ANKRD30A: variants seen among roughly 807,000 people sequenced by gnomAD.
ANKRD30A encodes the protein ankyrin repeat domain 30A.
Under a neutral mutation model 166.3 loss-of-function variants are expected in ANKRD30A, and 170 were observed. That is an observed-to-expected ratio of 1.02 (90% CI 0.90 to 1.16). The LOEUF (loss-of-function observed/expected upper bound fraction) is 1.16. Among genes scored for constraint, ANKRD30A ranks in the 50% most tolerant of loss-of-function variants. ANKRD30A has a pLI of 0.00. For synonymous variants in ANKRD30A, 564 were observed against 508.9 expected, an observed-to-expected ratio of 1.11 and a Z score of -1.46; for missense variants, 1,630 against 1,518.0, an observed-to-expected ratio of 1.07 and a Z score of -1.23.
At chr10:37,260,437 T>C in the ANKRD30A span, among the ~76,000 whole-genome samples, 5 of 152,166 alleles carry the variant, frequency 3.3e-5, no homozygotes, top group Admixed American at 3.3e-4. Flanking sequence ...GTTCTCCTAG[T>C]GTAACTCTTA....
the ANKRD30A span, among the ~76,000 whole-genome samples, chr10:37,261,500 A>G: frequency 9.2e-5 from 14 of 152,320 alleles, no homozygotes; most frequent in African/African-American, 3.4e-4. Context: ...TCATAAATGA[A>G]CACTTGAAAA....
intron 15 of ANKRD30A, among the ~76,000 whole-genome samples, chr10:37,160,426 G>A (rs1428057607): frequency 1.3e-5 from 2 of 152,016 alleles, no homozygotes; most frequent in Non-Finnish European, 2.9e-5. Context: ...GGAGAAATAG[G>A]AAAAACATTA....
the ANKRD30A span, among the ~76,000 whole-genome samples, chr10:37,256,718 C>A: frequency 6.6e-6 from 1 of 152,122 alleles, no homozygotes; most frequent in African/African-American, 2.4e-5. Flanking sequence ...GGAAGTGTTT[C>A]TTTATTGAAG....
chr10:37,154,103 A>G (rs762913629), intron 13 of ANKRD30A, among the ~76,000 whole-genome samples: 49 of 152,182 alleles, frequency 3.2e-4, no homozygotes, highest in Non-Finnish European at 6.6e-4. Context: ...AAAATTTACC[A>G]GAGAATTACA....
downstream of ANKRD30A, chr10:37,232,697 T>TATATATAGAGAGAGAGAGAGAGAG (rs1273812991): frequency 3.8e-5 from 3 of 78,400 alleles, no homozygotes; most frequent in African/African-American, 1.5e-4. Context: ...TATATATAAA[T>TATATATAGAGAGAGAGAGAGAGAG]AGAGAGAGAG....
chr10:37,195,603 A>T (rs573165068), intron 27 of ANKRD30A, among the ~76,000 whole-genome samples: 39 of 152,280 alleles, frequency 2.6e-4, no homozygotes, highest in African/African-American at 8.4e-4. Flanking sequence ...ATATTTATTT[A>T]AAAAATGGTG....
chr10:37,138,303 C>T (rs1301812677), intron 6 of ANKRD30A, among the ~76,000 whole-genome samples: 3 of 152,128 alleles, frequency 2.0e-5, no homozygotes, highest in Non-Finnish European at 4.4e-5. Context: ...AAACTGGAAA[C>T]TCTAAAAATC....
Position 37,126,111 on chromosome 10 carries a change from A to G in ANKRD30A, c.221+103A>G, listed in dbSNP as rs1302176900. On this transcript the variant is annotated intron_variant, in intron 1 of 35. Coordinates refer to ENST00000361713, the MANE Select transcript of ANKRD30A (RefSeq NM_052997.3). Reference sequence around the variant, plus strand: ...TGGGGGGCCTGGGGAAGAAGGGAGCAGGTGGAGGAGTAACGGGCAGCGGGG... The same window carrying G: ...TGGGGGGCCTGGGGAAGAAGGGAGCGGGTGGAGGAGTAACGGGCAGCGGGG... The G allele has an allele frequency of 7.9e-6, 10 of 1,262,690 alleles. No homozygotes were observed. In the East Asian group the frequency reaches 2.4e-4, roughly 30 times the overall value. 78.2% of individuals were successfully genotyped at this position (1,262,690 alleles called of 1,614,324 possible).
chr10:37,225,835 A>C (rs1302701999), intron 34 of ANKRD30A, among the ~76,000 whole-genome samples: 2 of 151,852 alleles, frequency 1.3e-5, no homozygotes, highest in East Asian at 3.9e-4. Flanking sequence ...CATGCCATGC[A>C]ATTCACTCTT....
intron 17 of ANKRD30A, 68 bp from the exon 18 acceptor site, chr10:37,165,026 G>A (rs1392807602): frequency 6.8e-7 from 1 of 1,466,224 alleles, no homozygotes; most frequent in Non-Finnish European, 9.5e-7. Flanking sequence ...AAGTAGATTT[G>A]TATATGTTTT....
At position 37,125,802 on chromosome 10, in the gene ANKRD30A, T is replaced by C; in HGVS notation, c.15T>C (p.Ser5=). The change falls in exon 1 of 36, where the codon TCT becomes TCC. Residue 5 remains serine (S), a synonymous_variant. Transcript: ENST00000361713. MEEI[S]AAAVKVVPGP... is the part of the protein sequence containing the mutation. ...TGGCCGCAGCCATGGAGGAGATCTCTGCCGCCGCTGTCAAGGTCGTGCCGG... is the reference window on the plus strand; with the variant it reads ...TGGCCGCAGCCATGGAGGAGATCTCCGCCGCCGCTGTCAAGGTCGTGCCGG... 1 of 721,172 alleles carries C rather than the reference T, an allele frequency of 1.4e-6. No homozygotes were observed. Among genetic ancestry groups the C allele is most frequent in the Non-Finnish European group, 2.3e-6 (1 of 425,598 alleles). 44.7% of individuals were successfully genotyped at this position (721,172 alleles called of 1,614,324 possible).
chr10:37,234,773 C>T (rs1381218947), downstream of ANKRD30A, among the ~76,000 whole-genome samples: 1 of 152,130 alleles, frequency 6.6e-6, no homozygotes, highest in Non-Finnish European at 1.5e-5. Context: ...TTCAGTTTAG[C>T]AACTTCTTTT....
chr10:37,197,616 G>T, intron 29 of ANKRD30A, 136 bp downstream of exon 29: 6 of 1,351,656 alleles, frequency 4.4e-6, no homozygotes, highest in Non-Finnish European at 6.0e-6. Flanking sequence ...TACTGGTATT[G>T]ATGTTTGAAA....
chr10:37,128,048 C>G (rs765491692), intron 1 of ANKRD30A, among the ~76,000 whole-genome samples: 2 of 151,910 alleles, frequency 1.3e-5, no homozygotes, highest in Non-Finnish European at 2.9e-5. Flanking sequence ...AATAGTTGAC[C>G]ACTCAAGGTA....
chr10:37,149,324 G>A (rs1837737504), intron 9 of ANKRD30A, among the ~76,000 whole-genome samples: 1 of 151,942 alleles, frequency 6.6e-6, no homozygotes, highest in African/African-American at 2.4e-5. Flanking sequence ...TAACATAAAT[G>A]ATTCTAATAT....
At chr10:37,165,190 A>T in intron 18 of ANKRD30A, 35 bp downstream of exon 18, 1 of 1,540,618 alleles carries the variant, frequency 6.5e-7, no homozygotes, top group Non-Finnish European at 9.0e-7. Context: ...AAATATTAGT[A>T]TTGCATGATA....
chr10:37,257,841 C>A, the ANKRD30A span, among the ~76,000 whole-genome samples: 1 of 152,126 alleles, frequency 6.6e-6, no homozygotes, highest in Non-Finnish European at 1.5e-5. Context: ...TGGAAGCCAT[C>A]ATTCTCAGCG....
At chr10:37,152,191 A>T in intron 12 of ANKRD30A, 70 bp downstream of exon 12, 1 of 1,323,096 alleles carries the variant, frequency 7.6e-7, no homozygotes, top group Non-Finnish European at 1.1e-6. Flanking sequence ...GCAGAGGCTT[A>T]GGCTTTATTT....
chr10:37,139,247 T>A (rs1225947825), intron 6 of ANKRD30A, among the ~76,000 whole-genome samples: 1 of 152,164 alleles, frequency 6.6e-6, no homozygotes, highest in East Asian at 1.9e-4. Flanking sequence ...TTGAGACACA[T>A]AACCAGATAC....
Sources: gnomAD v4.1 joint callset for allele counts (sites outside exome capture counted in the v4.1 genomes callset) on GRCh38, gnomAD v4.1.1 for gene constraint, MANE v1.5 for transcripts, NCBI Gene and HGNC (gene_info 2026-07-23, HGNC 2026-07-21) for gene names.